PKP4: variants seen among roughly 807,000 people sequenced by gnomAD.
PKP4 encodes the protein plakophilin 4, also known as plakophilin-4.
Under a neutral mutation model 145.1 loss-of-function variants are expected in PKP4, and 90 were observed. The ratio of observed to expected loss-of-function variants is 0.62; its 90% CI spans 0.52 to 0.74. The LOEUF (loss-of-function observed/expected upper bound fraction) is 0.74, where lower values mean the gene tolerates loss of function less well. PKP4 is among the 30% of genes least tolerant of loss of function. PKP4 has a pLI of 0.00. For missense variants in PKP4, 1,340 were observed against 1,482.7 expected (o/e 0.90, Z 1.58); for synonymous variants, 563 against 577.2 (o/e 0.98, Z 0.35).
At chr2:158,464,466 G>GA (rs537237920) in intron 1 of PKP4, among the ~76,000 whole-genome samples, 3 of 151,960 alleles carry the variant, frequency 2.0e-5, no homozygotes, top group African/African-American at 7.2e-5. Context: ...CCTTTGTGGA[G>GA]AAAAAAAATC....
chr2:158,576,149 G>T (rs1182712955), intron 2 of PKP4, among the ~76,000 whole-genome samples: 1 of 152,202 alleles, frequency 6.6e-6, no homozygotes, highest in Admixed American at 6.5e-5. Context: ...AGAATAGCTT[G>T]TGGAATTTGC....
At chr2:158,460,959 A>G (rs1689672808) in intron 1 of PKP4, among the ~76,000 whole-genome samples, 1 of 152,252 alleles carries the variant, frequency 6.6e-6, no homozygotes, top group Non-Finnish European at 1.5e-5. Context: ...CTGCAAATAG[A>G]GAAAAGAAGG....
intron 13 of PKP4, chr2:158,661,754 G>C (rs2056605673): frequency 3.9e-6 from 1 of 254,340 alleles, no homozygotes; most frequent in Non-Finnish European, 7.8e-6. Flanking sequence ...ATCCGCACTA[G>C]AATCAGAGCC....
chr2:158,598,614 A>G (rs2049971021), intron 3 of PKP4, among the ~76,000 whole-genome samples: 1 of 152,160 alleles, frequency 6.6e-6, no homozygotes, highest in East Asian at 1.9e-4. Context: ...AAAAAAATAC[A>G]AAAAATTAGC....
In PKP4 at chr2:158,567,115, G is replaced by A. The variant is rs3771613; in HGVS notation, c.133-10156G>A. Among the ~76,000 whole-genome samples the A allele has an allele frequency of 2.6e-5, 4 of 152,088 alleles. No individual in the cohort carries two copies. The East Asian group carries it at 7.7e-4, about 29-fold the overall frequency. Reference sequence around the variant, plus strand: ...TTACTTACCAGAGTTTTCTGGGTTTGTTGTTGTTGTTGTTTTTGCAAAGAG... The same window carrying A: ...TTACTTACCAGAGTTTTCTGGGTTTATTGTTGTTGTTGTTTTTGCAAAGAG... On this transcript the variant is annotated intron_variant, in intron 2 of 21. Coordinates refer to ENST00000389759, the MANE Select transcript of PKP4 (RefSeq NM_003628.6).
At chr2:158,533,784 G>A (rs562692542) in intron 2 of PKP4, among the ~76,000 whole-genome samples, 2 of 152,286 alleles carry the variant, frequency 1.3e-5, no homozygotes, top group East Asian at 3.9e-4. Flanking sequence ...TATTCATTTT[G>A]TGAGCTAATG....
chr2:158,590,312 A>AGTGAGT (rs1553453725), intron 3 of PKP4, among the ~76,000 whole-genome samples: 12 of 124,214 alleles, frequency 9.7e-5, no homozygotes, highest in Admixed American at 5.0e-4. Context: ...GAATGTCTTG[A>AGTGAGT]GTGTGTGTGT....
chr2:158,653,751 A>G (rs7586236), intron 11 of PKP4, among the ~76,000 whole-genome samples: 8 of 152,220 alleles, frequency 5.3e-5, no homozygotes, highest in African/African-American at 1.7e-4. Context: ...AATATTTTTG[A>G]AGCAAATTTT....
At chr2:158,528,406 A>G (rs1332296311) in intron 1 of PKP4, among the ~76,000 whole-genome samples, 1 of 102,706 alleles carries the variant, frequency 9.7e-6, no homozygotes, top group Non-Finnish European at 2.0e-5. Context: ...CAAACACCAC[A>G]TATTCTCAGT....
Position 158,666,452 on chromosome 2 carries a change from G to C in PKP4, c.2617G>C (p.Gly873Arg), listed in dbSNP as rs1423724006. Residue 873 changes from glycine to arginine, a missense_variant, in exon 16 of 22, where the codon GGG becomes CGG. By Grantham distance (125) the Gly-to-Arg change is moderately radical. Transcript: ENST00000389759. ...CCGGGCGGCCGTCCGAAAAGAAAAG[G>C]GGCTCCCCATCCTTGTGGAGCTTCT... ...YIRAAVRKEK[G>R]LPILVELLRM... 6.2e-7 allele frequency: 1 copy of C among 1,609,828 alleles called. No homozygotes were observed. The highest frequency in any genetic ancestry group is 1.7e-5 in the Admixed American group (1 of 59,018).
Position 158,676,764 on chromosome 2 carries a change from A to C in PKP4, c.3153A>C (p.Ala1051=). Reference sequence around the variant, plus strand: ...TCGGCAGCACCTCTTCCTCACCAGCACTGTTAGGAATCAGAGACCCTCGCT... The same window carrying C: ...TCGGCAGCACCTCTTCCTCACCAGCCCTGTTAGGAATCAGAGACCCTCGCT... ...QSVGSTSSSP[A]LLGIRDPRSE... The change falls in exon 20 of 22, where the codon GCA becomes GCC. Residue 1051 remains alanine (A), a synonymous_variant. Coordinates refer to ENST00000389759, the MANE Select transcript of PKP4 (RefSeq NM_003628.6). The C allele has an allele frequency of 6.2e-7, 1 of 1,613,960 alleles. No individual in the cohort carries two copies. The highest frequency in any genetic ancestry group is 8.5e-7 in the Non-Finnish European group (1 of 1,179,948).
chr2:158,485,946 T>C (rs1044564536), intron 1 of PKP4, among the ~76,000 whole-genome samples: 1 of 152,306 alleles, frequency 6.6e-6, no homozygotes, highest in East Asian at 1.9e-4. Flanking sequence ...ACCTTTTAAA[T>C]AGCAGTTGTT....
intron 16 of PKP4, 174 bp downstream of exon 16, chr2:158,666,737 G>C: frequency 2.0e-6 from 1 of 512,770 alleles, no homozygotes. Flanking sequence ...TTTTCAGCAG[G>C]AGGCAAGCTC....
intron 15 of PKP4, among the ~76,000 whole-genome samples, chr2:158,663,767 G>T (rs1221975786): frequency 1.3e-5 from 2 of 152,172 alleles, no homozygotes; most frequent in East Asian, 3.9e-4. Flanking sequence ...ACAGTGTAAG[G>T]GAAGGTCAGG....
chr2:158,512,613 G>T (rs1459066190), intron 1 of PKP4, among the ~76,000 whole-genome samples: 2 of 152,202 alleles, frequency 1.3e-5, no homozygotes, highest in Non-Finnish European at 2.9e-5. Flanking sequence ...GTGACTAATA[G>T]ATGTATATTA....
chr2:158,564,338 G>C (rs2046796443), intron 2 of PKP4, among the ~76,000 whole-genome samples: 1 of 152,120 alleles, frequency 6.6e-6, no homozygotes, highest in African/African-American at 2.4e-5. Context: ...TGAAGCAACA[G>C]ATAAGAGTCC....
chr2:158,514,259 G>A (rs2041756520), intron 1 of PKP4, among the ~76,000 whole-genome samples: 1 of 152,192 alleles, frequency 6.6e-6, no homozygotes, highest in South Asian at 2.1e-4. Flanking sequence ...GATGAAAAGA[G>A]TCCCTGCCAT....
chr2:158,601,337 G>C (rs1022373429), intron 3 of PKP4, among the ~76,000 whole-genome samples: 9 of 152,116 alleles, frequency 5.9e-5, no homozygotes, highest in African/African-American at 1.9e-4. Context: ...ATGGCAGTTT[G>C]ATTTACCATG....
chr2:158,640,747 A>C lies in PKP4; in HGVS notation c.1683A>C (p.Lys561Asn). 2 of 1,614,136 alleles carry C rather than the reference A, an allele frequency of 1.2e-6. No homozygotes were observed. Among genetic ancestry groups the C allele is most frequent in the Non-Finnish European group, 1.7e-6 (2 of 1,179,986 alleles). ...AGCACCTGTGCTTTGGTGACAACAA[A>C]GTGAAGATGGAGGTACAGGACATGG... is the stretch of plus-strand genomic sequence containing the variant. ...YLQHLCFGDN[K>N]VKMEVCRLGG... Residue 561 changes from lysine to asparagine, a missense_variant, in exon 10 of 22, where the codon AAA becomes AAC. By Grantham distance (94) the Lys-to-Asn change is moderately conservative (BLOSUM62 0). Transcript: ENST00000389759.
Sources: gnomAD v4.1 joint callset for allele counts (sites outside exome capture counted in the v4.1 genomes callset) on GRCh38, gnomAD v4.1.1 for gene constraint, MANE v1.5 for transcripts, NCBI Gene and HGNC (gene_info 2026-07-23, HGNC 2026-07-21) for gene names.